SKAP2: variants seen among roughly 807,000 people sequenced by gnomAD.
The protein encoded by SKAP2 is src kinase-associated phosphoprotein 2.
A neutral mutation model predicts 54.9 loss-of-function variants in SKAP2; 28 were observed. The observed-to-expected ratio is 0.51, with a 90% CI of 0.38 to 0.70. SKAP2 has a LOEUF of 0.70. SKAP2 is among the 30% of genes least tolerant of loss of function. SKAP2 has a pLI of 0.00. For synonymous variants in SKAP2, 137 were observed against 134.3 expected (o/e 1.02, Z -0.14); for missense variants, 356 against 424.1 (o/e 0.84, Z 1.41).
In SKAP2 at chr7:26,854,176, A is replaced by T; in HGVS notation, c.174-14T>A. On this transcript the variant is annotated splice_polypyrimidine_tract_variant and intron_variant, in intron 2 of 12. Transcript: ENST00000345317. ...TCCTGAAGATAGCTACAAAACAAAG[A>T]ACATATTTTTAAATGAGGTTGAAAA... is the stretch of plus-strand genomic sequence containing the variant. 1 of 1,553,514 alleles carries T rather than the reference A, an allele frequency of 6.4e-7. No individual in the cohort carries two copies. Among genetic ancestry groups the T allele is most frequent in the Non-Finnish European group, 8.7e-7 (1 of 1,142,940 alleles).
intron 4 of SKAP2, among the ~76,000 whole-genome samples, chr7:26,796,284 G>A (rs1388891529): frequency 6.6e-6 from 1 of 152,118 alleles, no homozygotes. Flanking sequence ...ATCTCCTGTT[G>A]CTGTTGGGGT....
At chr7:26,678,645 TG>T (rs1786412110) in intron 11 of SKAP2, among the ~76,000 whole-genome samples, 1 of 152,074 alleles carries the variant, frequency 6.6e-6, no homozygotes, top group Admixed American at 6.6e-5. Context: ...TTCACCATGT[TG>T]GCCAGGTTGG....
At position 26,727,145 on chromosome 7, in the gene SKAP2, G is replaced by A. The variant is rs1787725689; in HGVS notation, c.470-139C>T. 4 of 590,386 alleles carry A rather than the reference G, an allele frequency of 6.8e-6. No individual in the cohort carries two copies. In the South Asian group the frequency reaches 7.8e-5, roughly 12 times the overall value. The allele number at this position is 590,386 out of a possible 1,614,324, so 36.6% of individuals were successfully genotyped here. ...TTTAGTAATATAATGCTTAGGTAAT[G>A]TTTTTAGAAATCATTTTTAATTCTG... On this transcript the variant is annotated intron_variant, in intron 6 of 12. Coordinates refer to ENST00000345317, the MANE Select transcript of SKAP2 (RefSeq NM_003930.5).
At chr7:26,691,910 G>A (rs1786792448) in intron 9 of SKAP2, among the ~76,000 whole-genome samples, 1 of 148,898 alleles carries the variant, frequency 6.7e-6, no homozygotes, top group South Asian at 2.1e-4. Context: ...GCTGTTGAGG[G>A]GCCATGAACA....
intron 11 of SKAP2, among the ~76,000 whole-genome samples, chr7:26,675,852 C>T (rs947337846): frequency 3.3e-5 from 5 of 152,136 alleles, no homozygotes; most frequent in Non-Finnish European, 7.3e-5. Flanking sequence ...ATGGGATGTG[C>T]CTTGTCTAAA....
chr7:26,678,169 T>C (rs941377325), intron 11 of SKAP2, among the ~76,000 whole-genome samples: 1 of 152,212 alleles, frequency 6.6e-6, no homozygotes, highest in African/African-American at 2.4e-5. Flanking sequence ...ATATTAATTA[T>C]ATGTGTGAAA....
chr7:26,710,869 G>T lies in SKAP2; in HGVS notation c.796+14559C>A, dbSNP rs897288295. On this transcript the variant is annotated intron_variant, in intron 9 of 12. Transcript: ENST00000345317. Reference sequence around the variant, plus strand: ...GAATTCTTTTATATACGTTGTCTCAGCATCAGATGAGATGTTCTGAATATG... The same window carrying T: ...GAATTCTTTTATATACGTTGTCTCATCATCAGATGAGATGTTCTGAATATG... Among the ~76,000 whole-genome samples the T allele has an allele frequency of 3.9e-5, 6 of 152,204 alleles. No individual in the cohort carries two copies. In the East Asian group the frequency reaches 1.2e-3, roughly 29 times the overall value.
chr7:26,840,909 C>G (rs993067490), intron 4 of SKAP2, among the ~76,000 whole-genome samples: 1 of 151,804 alleles, frequency 6.6e-6, no homozygotes, highest in African/African-American at 2.4e-5. Flanking sequence ...TGTAGTTCTT[C>G]TCAAAAAATA....
chr7:26,760,119 C>T (rs1442677524), intron 4 of SKAP2, among the ~76,000 whole-genome samples: 1 of 152,112 alleles, frequency 6.6e-6, no homozygotes, highest in East Asian at 1.9e-4. Flanking sequence ...TTAGGAATTA[C>T]ACTAAATTTT....
chr7:26,844,839 C>G (rs773000125), intron 3 of SKAP2, among the ~76,000 whole-genome samples: 1 of 152,022 alleles, frequency 6.6e-6, no homozygotes, highest in Non-Finnish European at 1.5e-5. Context: ...AATGTTCTGG[C>G]CAGTTTCCAA....
At chr7:26,778,150 A>G (rs184385124) in intron 4 of SKAP2, among the ~76,000 whole-genome samples, 1 of 152,154 alleles carries the variant, frequency 6.6e-6, no homozygotes, top group East Asian at 1.9e-4. Flanking sequence ...TGTTCTAGGA[A>G]AATCATTATT....
chr7:26,664,728 GA>G (rs372243207), downstream of SKAP2, among the ~76,000 whole-genome samples: 31,333 of 111,028 alleles, frequency 0.28, 3,975 homozygotes, highest in African/African-American at 0.42. Context: ...AAACTGAAAA[GA>G]AAAAAAAAAA....
chr7:26,835,233 C>T (rs1784682406), intron 4 of SKAP2, among the ~76,000 whole-genome samples: 1 of 152,128 alleles, frequency 6.6e-6, no homozygotes. Context: ...AACCCACAGC[C>T]AATATCATAC....
intron 9 of SKAP2, among the ~76,000 whole-genome samples, chr7:26,722,884 T>G (rs1252563743): frequency 6.6e-6 from 1 of 152,182 alleles, no homozygotes; most frequent in African/African-American, 2.4e-5. Context: ...TCAAATACAT[T>G]TGTATACCTC....
intron 4 of SKAP2, among the ~76,000 whole-genome samples, chr7:26,778,407 G>T (rs554654202): frequency 6.6e-6 from 1 of 152,124 alleles, no homozygotes; most frequent in Admixed American, 6.5e-5. Context: ...GGCCCTTCTA[G>T]TTCCATACTA....
chr7:26,712,037 T>C (rs1052726622), intron 9 of SKAP2, among the ~76,000 whole-genome samples: 5 of 152,274 alleles, frequency 3.3e-5, no homozygotes, highest in South Asian at 2.1e-4. Context: ...GTTCTTTTTT[T>C]AAACTTGAGT....
chr7:26,822,397 A>G (rs1784400709), intron 4 of SKAP2, among the ~76,000 whole-genome samples: 1 of 152,138 alleles, frequency 6.6e-6, no homozygotes, highest in East Asian at 1.9e-4. Context: ...ATAATCAGTG[A>G]TCTTTGATGT....
At chr7:26,719,027 C>T (rs1009812118) in intron 9 of SKAP2, among the ~76,000 whole-genome samples, 2 of 151,840 alleles carry the variant, frequency 1.3e-5, no homozygotes, top group African/African-American at 4.8e-5. Context: ...AAATTAAAAA[C>T]TAAAAAATTA....
chr7:26,817,565 A>T (rs1562622209), intron 4 of SKAP2, among the ~76,000 whole-genome samples: 1 of 152,196 alleles, frequency 6.6e-6, no homozygotes, highest in Non-Finnish European at 1.5e-5. Flanking sequence ...TGCAGACAAC[A>T]ACATTAAGAC....
Sources: allele counts gnomAD v4.1 joint callset (sites outside exome capture counted in the v4.1 genomes callset), GRCh38; gene constraint gnomAD v4.1.1; transcripts MANE v1.5; gene names NCBI Gene and HGNC (gene_info 2026-07-23, HGNC 2026-07-21).